Variants in VPS35L observed in about 807,000 individuals in gnomAD.
VPS35L encodes the protein VPS35 endosomal protein-sorting factor-like.
Under a neutral mutation model 133.0 loss-of-function variants are expected in VPS35L, and 83 were observed. The observed-to-expected ratio is 0.62, with a 90% confidence interval of 0.52 to 0.75. VPS35L has a LOEUF of 0.75. VPS35L is among the 30% of genes least tolerant of loss of function. The probability of loss-of-function intolerance (pLI) is 0.00; values close to 1 mark genes in which losing one functional copy is unlikely to be tolerated. For synonymous variants in VPS35L, 423 were observed against 449.9 expected (o/e 0.94, Z 0.76); for missense variants, 1,083 against 1,206.8 (o/e 0.90, Z 1.52).
In VPS35L at chr16:19,684,705, A is replaced by G. The variant is rs1172411898; in HGVS notation, c.2527+2315A>G. Among the ~76,000 whole-genome samples the G allele has an allele frequency of 2.6e-5, 4 of 152,212 alleles. No individual in the cohort carries two copies. In the East Asian group the frequency reaches 7.7e-4, roughly 29 times the overall value. Reference sequence around the variant, plus strand: ...CAGGGCTTCCGGTAGTTAGTGATGGAAGTGAAACTCACACCCAGAGTGGTG... The same window carrying G: ...CAGGGCTTCCGGTAGTTAGTGATGGGAGTGAAACTCACACCCAGAGTGGTG... On this transcript the variant is annotated intron_variant, in intron 28 of 30. Coordinates refer to ENST00000417362, the MANE Select transcript of VPS35L (RefSeq NM_020314.7).
intron 26 of VPS35L, chr16:19,652,300 A>G: frequency 1.9e-6 from 1 of 516,952 alleles, no homozygotes; most frequent in Non-Finnish European, 3.5e-6. Context: ...AGTAGCTGGG[A>G]CTGCAGGCGC....
intron 19 of VPS35L, among the ~76,000 whole-genome samples, chr16:19,635,704 G>T (rs1973602087): frequency 6.6e-6 from 1 of 152,150 alleles, no homozygotes; most frequent in South Asian, 2.1e-4. Flanking sequence ...AAGTGTTAAG[G>T]GGTAAGGGCA....
intron 1 of VPS35L, 33 bp downstream of exon 1, chr16:19,555,779 G>C: frequency 6.4e-7 from 1 of 1,551,120 alleles, no homozygotes; most frequent in African/African-American, 1.4e-5. Flanking sequence ...GCTTTGGAGA[G>C]GGGCTGTCCT....
rs369135032 is a variant in VPS35L at position 19,569,555 on chromosome 16, A to T, written c.249A>T (p.Ala83=). The stretch of plus-strand genomic sequence containing the variant: ...GGACTGACCCCCTCTCCATGTTTGC[A>T]GCCACTGCTGACCCCGCAGCCTTGG... ...LDGTDPLSMF[A]ATADPAALAA... Residue 83 remains alanine (A), a synonymous_variant, in exon 3 of 31, where the codon GCA becomes GCT. Transcript: ENST00000417362. 4.4e-6 allele frequency: 7 copies of T among 1,588,634 alleles called. No individual in the cohort carries two copies. Among genetic ancestry groups the T allele is most frequent in the Admixed American group, 1.8e-5 (1 of 55,482 alleles).
chr16:19,626,942 C>T (rs1973283756), intron 15 of VPS35L, among the ~76,000 whole-genome samples: 1 of 152,002 alleles, frequency 6.6e-6, no homozygotes, highest in African/African-American at 2.4e-5. Context: ...CACTGTGTCC[C>T]CTGTGCCTGG....
chr16:19,594,793 T>A (rs1423866351), intron 8 of VPS35L, among the ~76,000 whole-genome samples: 2 of 141,136 alleles, frequency 1.4e-5, no homozygotes, highest in Non-Finnish European at 3.0e-5. Flanking sequence ...AAAACCAGAG[T>A]GGGGTGAGGG....
rs553470821 is a variant in VPS35L at position 19,557,778 on chromosome 16, C to T, written c.17+2032C>T. Among the ~76,000 whole-genome samples the T allele has an allele frequency of 1.9e-3, 296 of 152,090 alleles. 1 individual carries two copies. Among genetic ancestry groups the T allele is most frequent in the African/African-American group, 6.5e-3 (271 of 41,502 alleles). On this transcript the variant is annotated intron_variant, in intron 1 of 30. Transcript: ENST00000417362. The stretch of plus-strand genomic sequence containing the variant: ...AAAAGTTAAAAGGACTGGCTGGGCG[C>T]GGTCACTCATGCCTGTAATCCCAGC...
chr16:19,680,922 C>A lies in VPS35L; in HGVS notation c.2362-1303C>A, dbSNP rs190952916. Among the ~76,000 whole-genome samples, 96 of 142,430 alleles carry A rather than the reference C, an allele frequency of 6.7e-4. 1 individual carries two copies. Among genetic ancestry groups the A allele is most frequent in the Non-Finnish European group, 9.4e-4 (62 of 65,758 alleles). The allele number at this position is 142,430 out of a possible 152,430, so 93.4% of individuals were successfully genotyped here. On this transcript the variant is annotated intron_variant, in intron 27 of 30. Coordinates refer to ENST00000417362, the MANE Select transcript of VPS35L (RefSeq NM_020314.7). ...ACCCTGTCTCAGAACCCGCCCCCCC[C>A]CTAAAAAAACAGGATGATTTGTGAT...
At chr16:19,609,048 C>T (rs373065435) in intron 11 of VPS35L, 27 bp downstream of exon 11, 3 of 1,602,560 alleles carry the variant, frequency 1.9e-6, no homozygotes, top group African/African-American at 1.3e-5. Context: ...AAATCTAGAA[C>T]CATAAAATTT....
chr16:19,689,071 ACT>A (rs1338694037), intron 28 of VPS35L, among the ~76,000 whole-genome samples: 6 of 117,792 alleles, frequency 5.1e-5, no homozygotes, highest in Admixed American at 9.4e-5. Flanking sequence ...ATGGAGTCCC[ACT>A]CTGTCGCCAG....
intron 26 of VPS35L, chr16:19,652,641 C>G (rs1478227202): frequency 6.5e-6 from 1 of 153,144 alleles, no homozygotes; most frequent in Non-Finnish European, 1.5e-5. Flanking sequence ...CTTCTTAAAT[C>G]TGTCTAGGAC....
At chr16:19,666,200 A>G (rs1232325105) in intron 26 of VPS35L, among the ~76,000 whole-genome samples, 1 of 151,528 alleles carries the variant, frequency 6.6e-6, no homozygotes, top group East Asian at 1.9e-4. Flanking sequence ...CCATTTGTCC[A>G]TTTTTGCTTT....
intron 2 of VPS35L, among the ~76,000 whole-genome samples, chr16:19,566,605 G>T (rs868162195): frequency 2.0e-5 from 3 of 152,144 alleles, no homozygotes; most frequent in African/African-American, 4.8e-5. Flanking sequence ...GTTCAGAGAG[G>T]CTCCAGCACA....
At chr16:19,585,960 C>A (rs924299316) in intron 7 of VPS35L, among the ~76,000 whole-genome samples, 1 of 151,560 alleles carries the variant, frequency 6.6e-6, no homozygotes, top group Non-Finnish European at 1.5e-5. Context: ...TGCAGTGGTG[C>A]CATCACAGCT....
At chr16:19,612,499 C>A (rs907813036) in intron 12 of VPS35L, among the ~76,000 whole-genome samples, 1 of 152,170 alleles carries the variant, frequency 6.6e-6, no homozygotes, top group Admixed American at 6.5e-5. Context: ...GGTAATCTGC[C>A]TTCCCCGGCC....
chr16:19,595,726 G>C (rs112499730), intron 8 of VPS35L, among the ~76,000 whole-genome samples: 36 of 152,284 alleles, frequency 2.4e-4, no homozygotes, highest in African/African-American at 8.7e-4. Context: ...TGTACTCCCC[G>C]GGCTGTAGTG....
chr16:19,603,055 G>A (rs994047277), intron 9 of VPS35L, among the ~76,000 whole-genome samples: 1 of 152,098 alleles, frequency 6.6e-6, no homozygotes, highest in Non-Finnish European at 1.5e-5. Context: ...ATGAGCCACT[G>A]TGCTTGGCCT....
intron 24 of VPS35L, among the ~76,000 whole-genome samples, chr16:19,649,225 A>T (rs1410267168): frequency 6.6e-6 from 1 of 152,124 alleles, no homozygotes; most frequent in Admixed American, 6.6e-5. Flanking sequence ...TCTTAACCTA[A>T]GGTGATCCAC....
chr16:19,593,339 T>TA (rs1044896193), intron 8 of VPS35L, among the ~76,000 whole-genome samples: 47 of 152,234 alleles, frequency 3.1e-4, no homozygotes, highest in African/African-American at 1.1e-3. Context: ...TTCACTGTCT[T>TA]ACAGGGACTA....
Sources: allele counts gnomAD v4.1 joint callset (sites outside exome capture counted in the v4.1 genomes callset), GRCh38; gene constraint gnomAD v4.1.1; transcripts MANE v1.5; gene names NCBI Gene and HGNC (gene_info 2026-07-23, HGNC 2026-07-21).